PPP1R13B: variants seen among roughly 807,000 people sequenced by gnomAD.
The protein encoded by PPP1R13B is protein phosphatase 1 regulatory subunit 13B, also known as apoptosis-stimulating of p53 protein 1.
PPP1R13B carries 44 observed loss-of-function variants against 119.8 expected under a neutral mutation model. That is an observed-to-expected ratio of 0.37 (90% CI 0.29 to 0.47). PPP1R13B has a LOEUF of 0.47. PPP1R13B is among the 20% of genes least tolerant of loss of function. The pLI, the probability that PPP1R13B is intolerant of heterozygous loss-of-function variation, is 0.99. For synonymous variants in PPP1R13B, 542 were observed against 561.5 expected (o/e 0.97, Z 0.49); for missense variants, 1,227 against 1,413.5 (o/e 0.87, Z 2.12).
chr14:103,734,673 TGAAGG>T lies in PPP1R13B; in HGVS notation c.*476_*480del, dbSNP rs1326333379. The T allele has an allele frequency of 6.6e-6, 3 of 456,892 alleles. No individual in the cohort carries two copies. Among genetic ancestry groups the T allele is most frequent in the Non-Finnish European group, 8.8e-6 (2 of 227,062 alleles). The allele number at this position is 456,892 out of a possible 1,614,324, so 28.3% of individuals were successfully genotyped here. A position where few individuals can be genotyped will look rare whatever the true frequency, so the allele number is the denominator to read the frequency against. ...TTCCATACAGAGGCTCCTTTGGTGATGAAGGGAAGAAGGATCATGTGTGGGAAGTG... is the reference window on the plus strand; with the variant it reads ...TTCCATACAGAGGCTCCTTTGGTGATGAAGAAGGATCATGTGTGGGAAGTG... On this transcript the variant is annotated 3_prime_UTR_variant, in exon 17 of 17. Transcript: ENST00000202556.
At chr14:103,746,091 C>A (rs1319894253) in intron 9 of PPP1R13B, among the ~76,000 whole-genome samples, 1 of 152,252 alleles carries the variant, frequency 6.6e-6, no homozygotes, top group Non-Finnish European at 1.5e-5. Flanking sequence ...CAGGCGTGAG[C>A]CACTGCACCC....
chr14:103,739,633 G>A (rs1361610529), intron 12 of PPP1R13B, among the ~76,000 whole-genome samples, 191 bp downstream of exon 12: 2 of 152,186 alleles, frequency 1.3e-5, no homozygotes, highest in African/African-American at 4.8e-5. Context: ...TTGTGTGGCC[G>A]AGCCCCATTT....
intron 5 of PPP1R13B, among the ~76,000 whole-genome samples, chr14:103,754,749 G>A (rs1048218448): frequency 1.3e-5 from 2 of 151,638 alleles, no homozygotes; most frequent in Admixed American, 6.6e-5. Context: ...TAAGAGCTGC[G>A]GGATTTTTAA....
intron 1 of PPP1R13B, among the ~76,000 whole-genome samples, chr14:103,834,112 C>T (rs997534012): frequency 6.6e-6 from 1 of 152,094 alleles, no homozygotes; most frequent in African/African-American, 2.4e-5. Flanking sequence ...TGGTGGCTCA[C>T]ACCTGTAATC....
At chr14:103,816,347 G>C (rs987903587) in intron 1 of PPP1R13B, among the ~76,000 whole-genome samples, 1 of 149,862 alleles carries the variant, frequency 6.7e-6, no homozygotes, top group Non-Finnish European at 1.5e-5. Context: ...TAGTAGAGAC[G>C]GGGTTTCACC....
At chr14:103,845,712 T>C (rs2087013547) in intron 1 of PPP1R13B, among the ~76,000 whole-genome samples, 1 of 152,198 alleles carries the variant, frequency 6.6e-6, no homozygotes, top group Admixed American at 6.5e-5. Context: ...TAGATATCCT[T>C]CAATGCCACC....
intron 4 of PPP1R13B, among the ~76,000 whole-genome samples, chr14:103,772,938 A>T (rs1323337361): frequency 6.6e-6 from 1 of 152,210 alleles, no homozygotes; most frequent in Non-Finnish European, 1.5e-5. Context: ...AAGTGCTGGG[A>T]TTACAGGCAT....
At chr14:103,765,501 G>A (rs966195508) in intron 4 of PPP1R13B, among the ~76,000 whole-genome samples, 2 of 152,028 alleles carry the variant, frequency 1.3e-5, no homozygotes, top group East Asian at 1.9e-4. Context: ...AATGGCTCTC[G>A]CCTTTTTCCA....
At chr14:103,735,507 C>T (rs1328393808) in intron 16 of PPP1R13B, among the ~76,000 whole-genome samples, 1 of 152,228 alleles carries the variant, frequency 6.6e-6, no homozygotes, top group African/African-American at 2.4e-5. Context: ...CTGTGTTTGC[C>T]TGGCCAAGAA....
At chr14:103,775,960 A>G (rs754444466) in intron 4 of PPP1R13B, among the ~76,000 whole-genome samples, 50 of 152,180 alleles carry the variant, frequency 3.3e-4, no homozygotes, top group South Asian at 3.1e-3. Context: ...AATATAATCT[A>G]GTATACCACA....
In PPP1R13B at chr14:103,734,771, CG is replaced by C; in HGVS notation, c.*382del. ...GGTCGCAGGGGAGCAGGCCTCACAG[CG>C]GCGGACAGTGTTCACTGCTGGAGGG... On this transcript the variant is annotated 3_prime_UTR_variant, in exon 17 of 17. Coordinates refer to ENST00000202556, the MANE Select transcript of PPP1R13B (RefSeq NM_015316.3). 1 of 462,756 alleles carries C rather than the reference CG, an allele frequency of 2.2e-6. No individual in the cohort carries two copies. The highest frequency in any genetic ancestry group is 4.3e-6 in the Non-Finnish European group (1 of 231,942). 28.7% of individuals were successfully genotyped at this position (462,756 alleles called of 1,614,324 possible). A position where few individuals can be genotyped will look rare whatever the true frequency, so the allele number is the denominator to read the frequency against.
At chr14:103,835,220 T>A (rs2086748306) in intron 1 of PPP1R13B, among the ~76,000 whole-genome samples, 1 of 152,056 alleles carries the variant, frequency 6.6e-6, no homozygotes, top group African/African-American at 2.4e-5. Context: ...CCTCCCAGGC[T>A]CAAGCGATCC....
intron 12 of PPP1R13B, chr14:103,739,371 C>T (rs2084193985): frequency 3.1e-6 from 1 of 327,182 alleles, no homozygotes; most frequent in Non-Finnish European, 5.6e-6. Flanking sequence ...TTCCTGCCCA[C>T]ATGCGACAGG....
In PPP1R13B at chr14:103,754,338, G is replaced by A; in HGVS notation, c.457-94C>T. 1.3e-5 allele frequency: 16 copies of A among 1,234,516 alleles called. 1 individual carries two copies. The South Asian group carries it at 2.4e-4, about 18-fold the overall frequency. 76.5% of individuals were successfully genotyped at this position (1,234,516 alleles called of 1,614,324 possible). A position where few individuals can be genotyped will look rare whatever the true frequency, so the allele number is the denominator to read the frequency against. ...CCAGCACTTTGAGAGGCTGAGGTAGGTGGATCACCTGAGGTCAGGAGTTCG... is the reference window on the plus strand; with the variant it reads ...CCAGCACTTTGAGAGGCTGAGGTAGATGGATCACCTGAGGTCAGGAGTTCG... On this transcript the variant is annotated intron_variant, in intron 5 of 16. Transcript: ENST00000202556.
At position 103,741,911 on chromosome 14, in the gene PPP1R13B, G is replaced by T; in HGVS notation, c.1701C>A (p.Pro567=). ...AATTCACTGTCTGGGGTCCTTTCCT[G>T]GGAGACTGTGGCCTTGACCCTTTAT... ...LADKGSRPQS[P]RKGPQTVNSS... The change falls in exon 11 of 17, where the codon CCC becomes CCA. Residue 567 remains proline (P), a synonymous_variant. Coordinates refer to ENST00000202556, the MANE Select transcript of PPP1R13B (RefSeq NM_015316.3). The T allele has an allele frequency of 6.2e-7, 1 of 1,614,188 alleles. No homozygotes were observed. Among genetic ancestry groups the T allele is most frequent in the Non-Finnish European group, 8.5e-7 (1 of 1,180,048 alleles).
chr14:103,748,762 G>A (rs896219900), intron 8 of PPP1R13B, among the ~76,000 whole-genome samples: 1 of 152,216 alleles, frequency 6.6e-6, no homozygotes, highest in Admixed American at 6.5e-5. Context: ...GCAGCAGCAA[G>A]ACTCAGGACT....
intron 1 of PPP1R13B, among the ~76,000 whole-genome samples, chr14:103,800,848 T>C (rs1214157775): frequency 6.6e-6 from 1 of 151,926 alleles, no homozygotes; most frequent in Non-Finnish European, 1.5e-5. Context: ...CCATTTCATT[T>C]TTTTTCTTCT....
Position 103,736,102 on chromosome 14 carries a change from G to A in PPP1R13B, c.3132C>T (p.Asp1044=), listed in dbSNP as rs371359449. 159 of 1,614,232 alleles carry A rather than the reference G, an allele frequency of 9.8e-5. 1 individual carries two copies. The highest frequency in any genetic ancestry group is 4.3e-4 in the Admixed American group (26 of 60,032). The stretch of plus-strand genomic sequence containing the variant: ...CCTTGCGCCTCAGGATGGTGAGGGC[G>A]TCCCCTTCGTGGAAGGACAGCTCGT... ...NSDELSFHEG[D]ALTILRRKDE... is the part of the protein sequence containing the mutation. Residue 1044 remains aspartate, a synonymous_variant, in exon 16 of 17, where the codon GAC becomes GAT. Transcript: ENST00000202556.
At chr14:103,790,899 T>G (rs2085601070) in intron 2 of PPP1R13B, among the ~76,000 whole-genome samples, 1 of 152,124 alleles carries the variant, frequency 6.6e-6, no homozygotes, top group Non-Finnish European at 1.5e-5. Context: ...AGCTATAAAC[T>G]TGTGTTTATA....
Sources: gnomAD v4.1 joint callset for allele counts (sites outside exome capture counted in the v4.1 genomes callset) on GRCh38, gnomAD v4.1.1 for gene constraint, MANE v1.5 for transcripts, NCBI Gene and HGNC (gene_info 2026-07-23, HGNC 2026-07-21) for gene names.